The following GPR34 variants were observed in gnomAD, a reference collection of about 807,000 sequenced individuals.
GPR34 encodes G protein-coupled receptor 34.
In GPR34, 3 loss-of-function variants were observed where a neutral mutation model predicts 14.1. That is an observed-to-expected ratio of 0.21 (90% confidence interval 0.10 to 0.55). The LOEUF (loss-of-function observed/expected upper bound fraction) is 0.55, where lower values mean the gene tolerates loss of function less well. GPR34 is among the 20% of genes least tolerant of loss of function. GPR34 has a pLI of 0.94. For synonymous variants in GPR34, 99 were observed against 99.9 expected (o/e 0.99, Z 0.05); for missense variants, 213 against 292.8 (o/e 0.73, Z 1.99).
At chrX:41,692,092 A>G (rs1226201020) in intron 2 of GPR34, among the ~76,000 whole-genome samples, 1 of 111,396 alleles carries the variant, frequency 9.0e-6, no homozygotes, top group Non-Finnish European at 1.9e-5. Flanking sequence ...CTTTTGTGAT[A>G]CCTACCTCAC....
At chrX:41,694,757 G>A (rs778533909) in intron 2 of GPR34, among the ~76,000 whole-genome samples, 17 of 111,728 alleles carry the variant, frequency 1.5e-4, no homozygotes, top group Non-Finnish European at 2.4e-4. Flanking sequence ...TGCAGGTGCT[G>A]TATTCTCTTA....
chrX:41,689,078 C>T lies in GPR34; in HGVS notation c.-179C>T, dbSNP rs191696870. The T allele has an allele frequency of 8.9e-6, 1 of 111,764 alleles. No homozygotes were observed. The highest frequency in any genetic ancestry group is 2.8e-4 in the East Asian group (1 of 3,547). 9.2% of individuals were successfully genotyped at this position (111,764 alleles called of 1,213,427 possible). A position where few individuals can be genotyped will look rare whatever the true frequency, so the allele number is the denominator to read the frequency against. ...TCTGCTCCTTTTACTTCAGGCGAACCTGAACTGTGAGTATTTCTTGATTTC... is the reference window on the plus strand; with the variant it reads ...TCTGCTCCTTTTACTTCAGGCGAACTTGAACTGTGAGTATTTCTTGATTTC... On this transcript the variant is annotated 5_prime_UTR_variant, in exon 1 of 3. Transcript: ENST00000378142.
intron 2 of GPR34, among the ~76,000 whole-genome samples, chrX:41,694,915 G>A (rs771265159): frequency 2.9e-4 from 33 of 111,937 alleles, no homozygotes; most frequent in Non-Finnish European, 5.8e-4. Context: ...ATGAATGAAT[G>A]CCACATATGA....
chrX:41,693,311 C>T (rs762446094), intron 2 of GPR34, among the ~76,000 whole-genome samples: 100 of 111,368 alleles, frequency 9.0e-4, no homozygotes, highest in Non-Finnish European at 1.6e-3. Flanking sequence ...TTGCCCTTTC[C>T]TTTTAGAATC....
At chrX:41,695,118 T>C in intron 2 of GPR34, among the ~76,000 whole-genome samples, 1 of 111,355 alleles carries the variant, frequency 9.0e-6, no homozygotes. Context: ...TAAATTGAGT[T>C]ATTTTAATAT....
intron 2 of GPR34, 134 bp from the exon 3 acceptor site, chrX:41,695,421 T>C (rs185999695): frequency 4.5e-4 from 122 of 268,672 alleles, no homozygotes; most frequent in African/African-American, 3.0e-3. Context: ...GTTCAAGCAA[T>C]CCTTCTGCTG....
In GPR34 at chrX:41,692,629, G is replaced by A. The variant is rs1425708521; in HGVS notation, c.-80+2794G>A. On this transcript the variant is annotated intron_variant, in intron 2 of 2. Transcript: ENST00000378142. ...AAAGCATTCTCATCTCCAGGGTAAC[G>A]TGCCTATTTCCTTCAACTTGCTTCT... Among the ~76,000 whole-genome samples, 3 of 112,406 alleles carry A rather than the reference G, an allele frequency of 2.7e-5. No homozygotes were observed. In the East Asian group the frequency reaches 8.4e-4, roughly 31 times the overall value.
Position 41,696,004 on chromosome X carries a change from T to C in GPR34, c.371T>C (p.Val124Ala). 8.3e-7 allele frequency: 1 copy of C among 1,210,369 alleles called. No homozygotes were observed. The stretch of plus-strand genomic sequence containing the variant: ...AACCAAAACAAGTGGACACTAGGTG[T>C]GATTCTGTGCAAGGTTGTGGGAACA... ...HINQNKWTLG[V>A]ILCKVVGTLF... The change falls in exon 3 of 3, where the codon GTG (valine) becomes GCG (alanine). Residue 124 changes from valine to alanine, a missense_variant. Transcript: ENST00000378142.
At chrX:41,693,362 C>G (rs1602477377) in intron 2 of GPR34, among the ~76,000 whole-genome samples, 1 of 111,646 alleles carries the variant, frequency 9.0e-6, no homozygotes, top group Admixed American at 9.5e-5. Context: ...ACCTGTAATT[C>G]CAGCACTTTG....
Position 41,696,823 on chromosome X carries a change from C to A in GPR34, c.*44C>A. On this transcript the variant is annotated 3_prime_UTR_variant, in exon 3 of 3. Coordinates refer to ENST00000378142, the MANE Select transcript of GPR34 (RefSeq NM_001097579.2). ...AATTATATAATGCAGCCTCTTAATTCTTTGAAGAACTAAAAAATTAGGAAA... is the reference window on the plus strand; with the variant it reads ...AATTATATAATGCAGCCTCTTAATTATTTGAAGAACTAAAAAATTAGGAAA... The A allele has an allele frequency of 1.2e-6, 1 of 822,444 alleles. No individual in the cohort carries two copies. Among genetic ancestry groups the A allele is most frequent in the Non-Finnish European group, 1.7e-6 (1 of 603,477 alleles). 67.8% of individuals were successfully genotyped at this position (822,444 alleles called of 1,213,427 possible). A position where few individuals can be genotyped will look rare whatever the true frequency, so the allele number is the denominator to read the frequency against.
rs370941111 is a variant in GPR34 at position 41,696,053 on chromosome X, T to C, written c.420T>C (p.Ile140=). 1.0e-4 allele frequency: 124 copies of C among 1,206,619 alleles called. No homozygotes were observed. The highest frequency in any genetic ancestry group is 1.4e-4 in the Non-Finnish European group (124 of 892,220). The change falls in exon 3 of 3, where the codon ATT becomes ATC. Residue 140 remains isoleucine (I), a synonymous_variant. Transcript: ENST00000378142. ...VGTLFYMNMY[I]SIILLGFISL... is the part of the protein sequence containing the mutation. ...CACTGTTTTATATGAACATGTACATTAGCATTATTTTGCTTGGATTCATCA... is the reference window on the plus strand; with the variant it reads ...CACTGTTTTATATGAACATGTACATCAGCATTATTTTGCTTGGATTCATCA...
chrX:41,690,010 T>C (rs2067514133), intron 2 of GPR34, among the ~76,000 whole-genome samples, 175 bp downstream of exon 2: 1 of 110,913 alleles, frequency 9.0e-6, no homozygotes, highest in Non-Finnish European at 1.9e-5. Context: ...GGTGCGGGGG[T>C]ACAATGCACT....
At chrX:41,693,058 T>A (rs2067605477) in intron 2 of GPR34, among the ~76,000 whole-genome samples, 1 of 111,511 alleles carries the variant, frequency 9.0e-6, no homozygotes, top group South Asian at 3.7e-4. Flanking sequence ...GGAACTTAAA[T>A]TCTAACATGA....
Position 41,696,746 on chromosome X carries a change from A to G in GPR34, c.1113A>G (p.Ala371=). Reference sequence around the variant, plus strand: ...ACTCCCTGCATGATACATCTGTGGCAGTGAAAATACAGTCTAGTTCTAAAA... The same window carrying G: ...ACTCCCTGCATGATACATCTGTGGCGGTGAAAATACAGTCTAGTTCTAAAA... ...PGYSLHDTSV[A]VKIQSSSKST is the part of the protein sequence containing the mutation. The change falls in exon 3 of 3, where the codon GCA becomes GCG. Residue 371 remains alanine, a synonymous_variant. Coordinates refer to ENST00000378142, the MANE Select transcript of GPR34 (RefSeq NM_001097579.2). 1.7e-6 allele frequency: 2 copies of G among 1,196,791 alleles called. No individual in the cohort carries two copies. The highest frequency in any genetic ancestry group is 1.7e-5 in the African/African-American group (1 of 57,607).
In GPR34 at chrX:41,692,664, T is replaced by G. The variant is rs780195327; in HGVS notation, c.-80+2829T>G. Among the ~76,000 whole-genome samples, 12 of 112,375 alleles carry G rather than the reference T, an allele frequency of 1.1e-4. No individual in the cohort carries two copies. In the Admixed American group the frequency reaches 1.1e-3, roughly 11 times the overall value. On this transcript the variant is annotated intron_variant, in intron 2 of 2. Transcript: ENST00000378142. Reference sequence around the variant, plus strand: ...CCTTCAACTTGCTTCTTTGACATGATTTGAGTTCTTCTCTCCATTTGGTCC... The same window carrying G: ...CCTTCAACTTGCTTCTTTGACATGAGTTGAGTTCTTCTCTCCATTTGGTCC...
At chrX:41,690,360 T>G (rs1392804041) in intron 2 of GPR34, among the ~76,000 whole-genome samples, 2 of 110,713 alleles carry the variant, frequency 1.8e-5, no homozygotes, top group Non-Finnish European at 3.8e-5. Context: ...AAAAAATTTT[T>G]TTTTGAGACA....
rs1309922295 is a variant in GPR34, at chrX:41,690,139, GC to G, written c.-80+307del. 4.3e-4 allele frequency among the ~76,000 whole-genome samples: 48 copies of G among 111,624 alleles called. No homozygotes were observed. The Admixed American group carries it at 4.4e-3, about 10-fold the overall frequency. ...ATATAGCACATGGGTCACAAGTAATGCCCACTGGGAAATTAATCCCCTATGT... is the reference window on the plus strand; with the variant it reads ...ATATAGCACATGGGTCACAAGTAATGCCACTGGGAAATTAATCCCCTATGT... On this transcript the variant is annotated intron_variant, in intron 2 of 2. Coordinates refer to ENST00000378142, the MANE Select transcript of GPR34 (RefSeq NM_001097579.2).
intron 2 of GPR34, 119 bp from the exon 3 acceptor site, chrX:41,695,436 C>T: frequency 2.6e-6 from 1 of 381,390 alleles, no homozygotes; most frequent in East Asian, 4.0e-5. Context: ...CTGCTGTAGC[C>T]TCCCGAGTAG....
intron 2 of GPR34, among the ~76,000 whole-genome samples, chrX:41,693,287 A>C (rs1451629160): frequency 9.0e-6 from 1 of 111,099 alleles, no homozygotes; most frequent in Non-Finnish European, 1.9e-5. Context: ...TGGTAGCCTG[A>C]CATTCTTTCT....
Sources: gnomAD v4.1 joint callset for allele counts (sites outside exome capture counted in the v4.1 genomes callset) on GRCh38, gnomAD v4.1.1 for gene constraint, MANE v1.5 for transcripts, NCBI Gene and HGNC (gene_info 2026-07-23, HGNC 2026-07-21) for gene names.